Variants in GABRB3 observed in about 807,000 individuals in gnomAD.
GABRB3 encodes gamma-aminobutyric acid type A receptor subunit beta3, also known as gamma-aminobutyric acid receptor subunit beta-3.
Under a neutral mutation model 52.1 loss-of-function variants are expected in GABRB3, and 14 were observed. The ratio of observed to expected loss-of-function variants is 0.27; its 90% CI spans 0.18 to 0.42. The LOEUF is 0.42. Among genes scored for constraint, GABRB3 ranks in the 10% least tolerant of loss-of-function variants. GABRB3 has a pLI of 1.00. For missense variants in GABRB3, 307 were observed against 609.1 expected, an observed-to-expected ratio of 0.50 and a Z score of 5.22; for synonymous variants, 260 against 232.3, an observed-to-expected ratio of 1.12 and a Z score of -1.08.
chr15:26,763,527 A>T (rs1890877750), intron 3 of GABRB3, among the ~76,000 whole-genome samples: 1 of 151,974 alleles, frequency 6.6e-6, no homozygotes, highest in Non-Finnish European at 1.5e-5. Context: ...CAGTCAGCAT[A>T]ATTGGCAAAA....
At chr15:26,743,012 C>T (rs185021334) in intron 3 of GABRB3, among the ~76,000 whole-genome samples, 34 of 138,444 alleles carry the variant, frequency 2.5e-4, no homozygotes, top group African/African-American at 8.9e-4. Flanking sequence ...ACACTGCAAC[C>T]TCCGCCTCCC....
chr15:26,758,276 T>C (rs141077939), intron 3 of GABRB3, among the ~76,000 whole-genome samples: 1 of 152,218 alleles, frequency 6.6e-6, no homozygotes, highest in Non-Finnish European at 1.5e-5. Context: ...TAATCAAATA[T>C]AGTCTTGGGC....
chr15:26,564,480 C>A (rs1038710416), intron 7 of GABRB3, among the ~76,000 whole-genome samples: 1 of 152,182 alleles, frequency 6.6e-6, no homozygotes, highest in Non-Finnish European at 1.5e-5. Flanking sequence ...CGCGTTGAGT[C>A]CAGGTCCAAC....
chr15:26,599,839 C>T (rs1019368965), intron 4 of GABRB3, among the ~76,000 whole-genome samples: 1 of 152,020 alleles, frequency 6.6e-6, no homozygotes, highest in Non-Finnish European at 1.5e-5. Flanking sequence ...TAAAAAGAAT[C>T]GAGAAATCAT....
At chr15:26,732,909 G>C (rs1350759724) in intron 3 of GABRB3, among the ~76,000 whole-genome samples, 1 of 151,864 alleles carries the variant, frequency 6.6e-6, no homozygotes, top group Non-Finnish European at 1.5e-5. Flanking sequence ...AAGATAGGAG[G>C]ATTCCTTGAG....
intron 4 of GABRB3, among the ~76,000 whole-genome samples, chr15:26,603,716 T>G (rs1376953104): frequency 3.9e-5 from 6 of 151,956 alleles, no homozygotes; most frequent in African/African-American, 1.4e-4. Context: ...TTGCATAAAA[T>G]TCAACATCCC....
chr15:26,629,140 G>T, intron 3 of GABRB3: 3 of 1,520,368 alleles, frequency 2.0e-6, no homozygotes, highest in Non-Finnish European at 2.6e-6. Flanking sequence ...GAAGCTCGGG[G>T]AGGCGCAGGG....
intron 3 of GABRB3, among the ~76,000 whole-genome samples, chr15:26,638,291 C>G (rs1893108200): frequency 6.6e-6 from 1 of 152,186 alleles, no homozygotes; most frequent in African/African-American, 2.4e-5. Flanking sequence ...AGCTTGTTCT[C>G]TTTATGCCTG....
In GABRB3 at chr15:26,546,751, T is replaced by C. The variant is rs1159355067; in HGVS notation, c.*1042A>G. On this transcript the variant is annotated 3_prime_UTR_variant, in exon 9 of 9. Transcript: ENST00000311550. ...GATAGCAAGCGTAAGAAACAAAATC[T>C]TGGTAAATATACATATATATGCATA... 6.6e-6 allele frequency: 1 copy of C among 152,208 alleles called. No homozygotes were observed. The highest frequency in any genetic ancestry group is 1.9e-4 in the East Asian group (1 of 5,194). The allele number at this position is 152,208 out of a possible 1,614,324, so 9.4% of individuals were successfully genotyped here.
At chr15:26,680,567 T>C (rs887056441) in intron 3 of GABRB3, among the ~76,000 whole-genome samples, 2 of 152,222 alleles carry the variant, frequency 1.3e-5, no homozygotes, top group Non-Finnish European at 2.9e-5. Flanking sequence ...CTGGAATAGA[T>C]GATGCTTACC....
chr15:26,576,217 C>T (rs982276862), intron 6 of GABRB3, among the ~76,000 whole-genome samples: 1 of 152,190 alleles, frequency 6.6e-6, no homozygotes, highest in Non-Finnish European at 1.5e-5. Context: ...GCTTTGCTCA[C>T]GTTTTCACAG....
chr15:26,725,631 C>G lies in GABRB3; in HGVS notation c.240+46771G>C, dbSNP rs577146641. 3.3e-5 allele frequency among the ~76,000 whole-genome samples: 5 copies of G among 152,136 alleles called. No individual in the cohort carries two copies. The South Asian group carries it at 1.0e-3, about 32-fold the overall frequency. On this transcript the variant is annotated intron_variant, in intron 3 of 8. Transcript: ENST00000311550. ...GCAAATCTAGAACAAGTTGACTATC[C>G]CTTATTCAAAATGTTTGAGACCATA... is the stretch of plus-strand genomic sequence containing the variant.
chr15:26,699,805 T>C (rs896146660), intron 3 of GABRB3, among the ~76,000 whole-genome samples: 1 of 151,952 alleles, frequency 6.6e-6, no homozygotes, highest in African/African-American at 2.4e-5. Flanking sequence ...GATTTTTGAA[T>C]TGAATAAAAA....
intron 3 of GABRB3, among the ~76,000 whole-genome samples, chr15:26,679,354 CT>C (rs1436264966): frequency 2.6e-5 from 4 of 152,060 alleles, no homozygotes; most frequent in Non-Finnish European, 5.9e-5. Context: ...CCTCCTTGAA[CT>C]TTCAGAATAA....
intron 3 of GABRB3, among the ~76,000 whole-genome samples, chr15:26,769,826 A>T (rs1891098337): frequency 6.6e-6 from 1 of 152,126 alleles, no homozygotes; most frequent in African/African-American, 2.4e-5. Flanking sequence ...GACTTGCCAC[A>T]TCCTACCTGT....
chr15:26,645,539 C>A (rs772077467), intron 3 of GABRB3, among the ~76,000 whole-genome samples: 5 of 152,116 alleles, frequency 3.3e-5, no homozygotes, highest in African/African-American at 7.2e-5. Flanking sequence ...AAGAGCAACC[C>A]TAACTCAAGC....
intron 3 of GABRB3, among the ~76,000 whole-genome samples, chr15:26,647,343 T>C (rs111826340): frequency 2.6e-5 from 4 of 152,386 alleles, no homozygotes; most frequent in African/African-American, 7.2e-5. Flanking sequence ...GAGCTGAAGT[T>C]TTAAATTTTG....
chr15:26,642,783 T>C (rs561297004), intron 3 of GABRB3, among the ~76,000 whole-genome samples: 1 of 152,294 alleles, frequency 6.6e-6, no homozygotes, highest in Admixed American at 6.5e-5. Flanking sequence ...ATGAATTCAT[T>C]TATTTATGAA....
chr15:26,759,008 A>T (rs1399302490), intron 3 of GABRB3, among the ~76,000 whole-genome samples: 1 of 152,066 alleles, frequency 6.6e-6, no homozygotes, highest in Non-Finnish European at 1.5e-5. Context: ...TTTGGTACAC[A>T]CTCCACATTT....
Sources: gnomAD v4.1 joint callset for allele counts (sites outside exome capture counted in the v4.1 genomes callset) on GRCh38, gnomAD v4.1.1 for gene constraint, MANE v1.5 for transcripts, NCBI Gene and HGNC (gene_info 2026-07-23, HGNC 2026-07-21) for gene names.